Variants in PAX8 observed in about 807,000 individuals in gnomAD.
The protein encoded by PAX8 is paired box 8.
PAX8 carries 15 observed loss-of-function variants against 52.4 expected under a neutral mutation model. The observed-to-expected ratio is 0.29, with a 90% CI of 0.19 to 0.44. PAX8 has a LOEUF of 0.44. Ranked by LOEUF, PAX8 falls within the 20% of genes least tolerant of loss-of-function variation. The pLI, the probability that PAX8 is intolerant of heterozygous loss-of-function variation, is 1.00. For synonymous variants in PAX8, 284 were observed against 249.7 expected, an observed-to-expected ratio of 1.14 and a Z score of -1.29; for missense variants, 554 against 602.5, an observed-to-expected ratio of 0.92 and a Z score of 0.84.
chr2:113,229,777 A>G (rs1689781407), intron 9 of PAX8, among the ~76,000 whole-genome samples: 1 of 152,238 alleles, frequency 6.6e-6, no homozygotes, highest in Non-Finnish European at 1.5e-5. Flanking sequence ...TGGCCCTCAG[A>G]TGAAGCACCG....
intron 3 of PAX8, among the ~76,000 whole-genome samples, chr2:113,245,694 C>T (rs1464067955): frequency 1.3e-5 from 2 of 152,178 alleles, no homozygotes; most frequent in Non-Finnish European, 2.9e-5. Context: ...TGTAGAAACT[C>T]TCTGCTCTCA....
At chr2:113,273,066 G>T (rs897747421) in intron 2 of PAX8, 1 of 152,184 alleles carries the variant, frequency 6.6e-6, no homozygotes, top group African/African-American at 2.4e-5. Context: ...GAACCATAGA[G>T]CTCAAAGCTT....
intron 4 of PAX8, among the ~76,000 whole-genome samples, chr2:113,244,134 T>C (rs1691107099): frequency 6.6e-6 from 1 of 152,198 alleles, no homozygotes; most frequent in Non-Finnish European, 1.5e-5. Context: ...AAAGGATCAA[T>C]TCATGAAGAT....
rs757864492 is a variant in PAX8, at chr2:113,278,344, G to A, written c.25+26C>T. The stretch of plus-strand genomic sequence containing the variant: ...GACGCTCAGCGGCGCGGGGGCTCGG[G>A]GATCCTGACCACACCGCGTTCTTAC... On this transcript the variant is annotated intron_variant, in intron 2 of 11. Coordinates refer to ENST00000429538, the MANE Select transcript of PAX8 (RefSeq NM_003466.4). 4.5e-6 allele frequency: 7 copies of A among 1,540,670 alleles called. No individual in the cohort carries two copies. The South Asian group carries it at 5.6e-5, about 12-fold the overall frequency.
chr2:113,261,885 C>G (rs1298671153), intron 2 of PAX8, among the ~76,000 whole-genome samples: 1 of 150,970 alleles, frequency 6.6e-6, no homozygotes, highest in Non-Finnish European at 1.5e-5. Context: ...GTGGTGCGAT[C>G]TCGGCTCACT....
chr2:113,249,052 C>T (rs1691557909), intron 2 of PAX8, among the ~76,000 whole-genome samples: 1 of 152,226 alleles, frequency 6.6e-6, no homozygotes, highest in Admixed American at 6.5e-5. Flanking sequence ...GGCCAAACAC[C>T]CAGCAAGAAG....
intron 1 of PAX8, 161 bp downstream of exon 1, chr2:113,278,670 G>T (rs1694000483): frequency 1.6e-6 from 1 of 633,874 alleles, no homozygotes; most frequent in Non-Finnish European, 2.6e-6. Flanking sequence ...CGCTGAAGAA[G>T]CTCCAGACTC....
intron 2 of PAX8, chr2:113,276,713 G>T (rs963847268): frequency 6.6e-6 from 1 of 151,336 alleles, no homozygotes; most frequent in Non-Finnish European, 1.5e-5. Flanking sequence ...CATTTCTTGG[G>T]CAGCGGCAGA....
At position 113,235,460 on chromosome 2, in the gene PAX8, G is replaced by A; in HGVS notation, c.1021C>T (p.Pro341Ser). Reference sequence around the variant, plus strand: ...GCAGCATGGGGAAAGGCATTGAAGGGCGGGACCCCGGAGCCGACTTGCTGC... The same window carrying A: ...GCAGCATGGGGAAAGGCATTGAAGGACGGGACCCCGGAGCCGACTTGCTGC... ...DLQQVGSGVP[P>S]FNAFPHAASV... The change falls in exon 9 of 12, where the codon CCC becomes TCC. Residue 341 changes from proline to serine, a missense_variant. By Grantham distance (74) the Pro-to-Ser change is moderately conservative (BLOSUM62 -1). This residue lies in a region of PAX8 where 445 missense variants were observed against 409.9 expected (regional missense o/e 1.09). Transcript: ENST00000429538. 1 of 1,611,972 alleles carries A rather than the reference G, an allele frequency of 6.2e-7. No homozygotes were observed. Among genetic ancestry groups the A allele is most frequent in the South Asian group, 1.1e-5 (1 of 90,624 alleles).
At chr2:113,220,954 C>A (rs1229122375) in intron 10 of PAX8, among the ~76,000 whole-genome samples, 2 of 152,206 alleles carry the variant, frequency 1.3e-5, no homozygotes, top group Non-Finnish European at 2.9e-5. Flanking sequence ...GAAGAAATTA[C>A]TTAAGAATTC....
At chr2:113,226,368 C>G (rs1689569271) in intron 10 of PAX8, 13 of 985,722 alleles carry the variant, frequency 1.3e-5, no homozygotes, top group Non-Finnish European at 1.6e-5. Flanking sequence ...AATTATGTCT[C>G]ATCCATCCCA....
intron 8 of PAX8, chr2:113,236,144 A>C: frequency 6.9e-6 from 1 of 144,798 alleles, no homozygotes; most frequent in East Asian, 1.8e-4. Flanking sequence ...CTAGGACCGG[A>C]GGCGCGACCC....
chr2:113,224,111 A>G (rs1689405659), intron 10 of PAX8, among the ~76,000 whole-genome samples: 2 of 152,238 alleles, frequency 1.3e-5, no homozygotes, highest in Admixed American at 1.3e-4. Flanking sequence ...ATGAAAGGAT[A>G]GATGGAAAGA....
chr2:113,218,640 A>G, intron 11 of PAX8, 31 bp from the exon 12 acceptor site: 1 of 1,420,846 alleles, frequency 7.0e-7, no homozygotes, highest in African/African-American at 1.4e-5. Flanking sequence ...TAACAACAAC[A>G]CTGCTGGTCA....
chr2:113,233,552 T>C (rs1263675073), intron 9 of PAX8, among the ~76,000 whole-genome samples: 2 of 151,818 alleles, frequency 1.3e-5, no homozygotes, highest in African/African-American at 2.4e-5. Flanking sequence ...GTGGCGCCCA[T>C]TTGTAGTTCT....
intron 7 of PAX8, chr2:113,239,299 C>G (rs1690625886): frequency 6.6e-6 from 1 of 152,240 alleles, no homozygotes. Context: ...AACTCCTGAC[C>G]TCAGGTGACC....
At position 113,216,556 on chromosome 2, in the gene PAX8, A is replaced by G. The variant is rs886054786; in HGVS notation, c.*1977T>C. 2 of 229,952 alleles carry G rather than the reference A, an allele frequency of 8.7e-6. No homozygotes were observed. The highest frequency in any genetic ancestry group is 1.1e-4 in the Admixed American group (2 of 17,662). 14.2% of individuals were successfully genotyped at this position (229,952 alleles called of 1,614,324 possible). A position where few individuals can be genotyped will look rare whatever the true frequency, so the allele number is the denominator to read the frequency against. ...ATGTGGACACCAGACAGCCCCCTGG[A>G]GTGCAGAGCCCGAGCTGTCACATTG... On this transcript the variant is annotated 3_prime_UTR_variant, in exon 12 of 12. Coordinates refer to ENST00000429538, the MANE Select transcript of PAX8 (RefSeq NM_003466.4).
chr2:113,250,410 C>G (rs181874650), intron 2 of PAX8, among the ~76,000 whole-genome samples: 31 of 152,242 alleles, frequency 2.0e-4, no homozygotes, highest in African/African-American at 7.0e-4. Flanking sequence ...GGGAGTAGGA[C>G]TAGGACTAGG....
In PAX8 at chr2:113,235,602, A is replaced by C; in HGVS notation, c.899-20T>G. 6.3e-7 allele frequency: 1 copy of C among 1,593,964 alleles called. No homozygotes were observed. The highest frequency in any genetic ancestry group is 8.6e-7 in the Non-Finnish European group (1 of 1,166,760). ...GAGGATCTGCCGGAGGGAGGGAGAC[A>C]ACAAGGAGAGAGGGGTGTGAGATGG... On this transcript the variant is annotated intron_variant, in intron 8 of 11. Transcript: ENST00000429538.
Sources: allele counts gnomAD v4.1 joint callset (sites outside exome capture counted in the v4.1 genomes callset), GRCh38; gene constraint gnomAD v4.1.1; regional missense constraint gnomAD v4.1.1; transcripts MANE v1.5; gene names NCBI Gene and HGNC (gene_info 2026-07-23, HGNC 2026-07-21).